Variants in EAF2 observed in about 807,000 individuals in gnomAD.
EAF2 encodes the protein ELL associated factor 2.
EAF2 carries 29 observed loss-of-function variants against 29.4 expected under a neutral mutation model. The observed-to-expected ratio is 0.99, with a 90% CI of 0.73 to 1.35. The LOEUF (loss-of-function observed/expected upper bound fraction) is 1.35, where lower values mean the gene tolerates loss of function less well. Ranked by LOEUF, EAF2 falls within the 40% of genes most tolerant of loss-of-function variation. The pLI is 0.00. For missense variants in EAF2, 292 were observed against 312.0 expected (o/e 0.94, Z 0.48); for synonymous variants, 103 against 102.5 (o/e 1.00, Z -0.03).
chr3:121,841,504 CAAAAAAAAAAAAAAAAAAAAAAAAAA>C (rs57868658), intron 1 of EAF2, among the ~76,000 whole-genome samples: 14 of 26,014 alleles, frequency 5.4e-4, no homozygotes, highest in Admixed American at 3.5e-3. Flanking sequence ...GACCCTGTCT[CAAAAAAAAAAAAAAAAAAAAAAAAAA>C]AAAAAAAAAA....
chr3:121,867,143 C>T (rs542357996), intron 4 of EAF2, among the ~76,000 whole-genome samples: 1 of 152,158 alleles, frequency 6.6e-6, no homozygotes, highest in South Asian at 2.1e-4. Flanking sequence ...GAGCATGTCC[C>T]CAAGAATCTG....
At chr3:121,878,556 G>A (rs1709140468) in intron 5 of EAF2, among the ~76,000 whole-genome samples, 1 of 151,884 alleles carries the variant, frequency 6.6e-6, no homozygotes, top group South Asian at 2.1e-4. Flanking sequence ...GTTTATCCTT[G>A]TCTTCACCTT....
At chr3:121,855,163 T>G (rs961283138) in intron 3 of EAF2, among the ~76,000 whole-genome samples, 40 of 152,186 alleles carry the variant, frequency 2.6e-4, no homozygotes, top group African/African-American at 9.2e-4. Context: ...ATTTATTGAG[T>G]ACCTAGGATG....
intron 5 of EAF2, among the ~76,000 whole-genome samples, chr3:121,879,394 A>T (rs903975802): frequency 1.3e-5 from 2 of 151,912 alleles, no homozygotes; most frequent in Non-Finnish European, 2.9e-5. Context: ...GTTTGATGTG[A>T]TCCCACTTGT....
intron 3 of EAF2, among the ~76,000 whole-genome samples, chr3:121,856,111 T>G (rs1708712077): frequency 6.6e-6 from 1 of 152,190 alleles, no homozygotes; most frequent in African/African-American, 2.4e-5. Context: ...TACTACACTC[T>G]TCTTAAAGAT....
chr3:121,835,472 C>A, intron 1 of EAF2, 81 bp downstream of exon 1: 2 of 1,239,820 alleles, frequency 1.6e-6, no homozygotes, highest in Non-Finnish European at 2.3e-6. Flanking sequence ...GGGTTTTGTT[C>A]CCACAGTACC....
At chr3:121,881,074 T>A (rs74634920) in intron 5 of EAF2, among the ~76,000 whole-genome samples, 2,221 of 152,316 alleles carry the variant, frequency 0.015, 56 homozygotes, top group African/African-American at 0.05. Flanking sequence ...CTGGGATAAA[T>A]CCCACTTATC....
chr3:121,835,270 A>C lies in EAF2; in HGVS notation c.-16A>C. 6.2e-7 allele frequency: 1 copy of C among 1,613,524 alleles called. No homozygotes were observed. The highest frequency in any genetic ancestry group is 1.3e-5 in the African/African-American group (1 of 75,056). ...AGCGCTGGTGGCGGAGTTAAAGTCAAAGCAGGAGAGTAATTATGAATAGCG... is the reference window on the plus strand; with the variant it reads ...AGCGCTGGTGGCGGAGTTAAAGTCACAGCAGGAGAGTAATTATGAATAGCG... On this transcript the variant is annotated 5_prime_UTR_variant, in exon 1 of 6. Transcript: ENST00000273668.
In EAF2 at chr3:121,857,074, A is replaced by G; in HGVS notation, c.402A>G (p.Ser134=). 1 of 1,613,804 alleles carries G rather than the reference A, an allele frequency of 6.2e-7. No homozygotes were observed. The highest frequency in any genetic ancestry group is 1.3e-5 in the African/African-American group (1 of 75,066). ...KEQQQQQMWN[S]ARTPNLVKHS... Reference sequence around the variant, plus strand: ...AACAGCAACAACAAATGTGGAATTCAGCCAGGACTCCCAATCTTGTAAAAC... The same window carrying G: ...AACAGCAACAACAAATGTGGAATTCGGCCAGGACTCCCAATCTTGTAAAAC... The change falls in exon 4 of 6, where the codon TCA becomes TCG. Residue 134 remains serine, a synonymous_variant. Transcript: ENST00000273668.
intron 4 of EAF2, among the ~76,000 whole-genome samples, chr3:121,857,987 A>C (rs190537817): frequency 2.0e-5 from 3 of 152,314 alleles, no homozygotes; most frequent in Non-Finnish European, 2.9e-5. Context: ...TGTCCCTACA[A>C]AGGACGTGAA....
intron 2 of EAF2, 51 bp downstream of exon 2, chr3:121,844,598 A>C: frequency 8.2e-7 from 1 of 1,214,618 alleles, no homozygotes; most frequent in Non-Finnish European, 1.2e-6. Context: ...ATTCTCAGTA[A>C]ATTTAAATGA....
chr3:121,875,199 A>G (rs1709075509), intron 5 of EAF2, among the ~76,000 whole-genome samples: 1 of 151,832 alleles, frequency 6.6e-6, no homozygotes, highest in Non-Finnish European at 1.5e-5. Flanking sequence ...TAGTGGGGAA[A>G]GGGAGAGAGG....
intron 2 of EAF2, among the ~76,000 whole-genome samples, chr3:121,851,505 T>C (rs1708631119): frequency 6.6e-6 from 1 of 152,184 alleles, no homozygotes; most frequent in Non-Finnish European, 1.5e-5. Context: ...ATTTTACAGT[T>C]TTGTCTTTTG....
Position 121,872,655 on chromosome 3 carries a change from T to C in EAF2, c.603T>C (p.Asp201=), listed in dbSNP as rs780547951. ...EDSSSDSEDE[D]CKSSTSDTGN... is the part of the protein sequence containing the mutation. ...GTTCTAGTGACTCAGAAGATGAAGA[T>C]TGCAAATCCTCTACTTCTGATACAG... The change falls in exon 5 of 6, where the codon GAT becomes GAC. Residue 201 remains aspartate, a synonymous_variant. Transcript: ENST00000273668. 60 of 1,612,910 alleles carry C rather than the reference T, an allele frequency of 3.7e-5. No individual in the cohort carries two copies. The highest frequency in any genetic ancestry group is 1.3e-4 in the East Asian group (6 of 44,798).
At position 121,872,616 on chromosome 3, in the gene EAF2, A is replaced by T. The variant is rs1415276794; in HGVS notation, c.564A>T (p.Ser188=). The part of the protein sequence containing the change: ...SSSDSKSSSS[S]SSEDSSSDSE... ...CAGATTCCAAAAGTTCATCATCTTC[A>T]AGTAGTGAGGATAGTTCTAGTGACT... The change falls in exon 5 of 6, where the codon TCA becomes TCT. Residue 188 remains serine, a synonymous_variant. Transcript: ENST00000273668. 6.2e-7 allele frequency: 1 copy of T among 1,612,764 alleles called. No homozygotes were observed. Among genetic ancestry groups the T allele is most frequent in the Non-Finnish European group, 8.5e-7 (1 of 1,179,152 alleles).
intron 2 of EAF2, among the ~76,000 whole-genome samples, chr3:121,851,188 A>G (rs917875526): frequency 1.3e-5 from 2 of 150,938 alleles, no homozygotes; most frequent in Non-Finnish European, 3.0e-5. Context: ...TATTTTATTT[A>G]TTTTTTAGAG....
At position 121,854,776 on chromosome 3, in the gene EAF2, A is replaced by C; in HGVS notation, c.291A>C (p.Glu97Asp). The C allele has an allele frequency of 6.4e-7, 1 of 1,574,476 alleles. No homozygotes were observed. The highest frequency in any genetic ancestry group is 1.2e-5 in the South Asian group (1 of 81,990). The change falls in exon 3 of 6, where the codon GAA becomes GAC. Residue 97 changes from glutamate to aspartate, a missense_variant. Glu to Asp is a conservative substitution (Grantham distance 45). Transcript: ENST00000273668. ...CILIINHDTGECRLEKLSSNI... is the reference protein window; with the variant it reads ...CILIINHDTGDCRLEKLSSNI... ...TGATTATTAACCATGATACTGGAGAATGTCGGCTAGAAAAACTCAGCAGCA... is the reference window on the plus strand; with the variant it reads ...TGATTATTAACCATGATACTGGAGACTGTCGGCTAGAAAAACTCAGCAGCA...
At chr3:121,855,761 C>T (rs146127578) in intron 3 of EAF2, among the ~76,000 whole-genome samples, 4 of 152,064 alleles carry the variant, frequency 2.6e-5, no homozygotes, top group East Asian at 1.9e-4. Flanking sequence ...AAGTAGGGGG[C>T]GATGTTGATA....
At chr3:121,883,011 A>T (rs1709217677) in intron 5 of EAF2, among the ~76,000 whole-genome samples, 1 of 152,102 alleles carries the variant, frequency 6.6e-6, no homozygotes. Flanking sequence ...ATCTTTGAAA[A>T]GCATTAATTT....
Sources: allele counts gnomAD v4.1 joint callset (sites outside exome capture counted in the v4.1 genomes callset), GRCh38; gene constraint gnomAD v4.1.1; transcripts MANE v1.5; gene names NCBI Gene and HGNC (gene_info 2026-07-23, HGNC 2026-07-21).